CDC42BPB: variants seen among roughly 807,000 people sequenced by gnomAD.
CDC42BPB encodes serine/threonine-protein kinase MRCK beta.
A neutral mutation model predicts 214.9 loss-of-function variants in CDC42BPB; 37 were observed. The ratio of observed to expected loss-of-function variants is 0.17; its 90% CI spans 0.13 to 0.23. The LOEUF (loss-of-function observed/expected upper bound fraction) is 0.23. CDC42BPB is among the 10% of genes least tolerant of loss of function. CDC42BPB has a pLI of 1.00. For synonymous variants in CDC42BPB, 931 were observed against 884.0 expected (o/e 1.05, Z -0.94); for missense variants, 1,694 against 2,227.0 (o/e 0.76, Z 4.82).
chr14:103,017,266 G>C (rs1356870610), intron 1 of CDC42BPB, among the ~76,000 whole-genome samples: 1 of 152,160 alleles, frequency 6.6e-6, no homozygotes, highest in Non-Finnish European at 1.5e-5. Flanking sequence ...AGGCTGCAGT[G>C]AGCTGTGTTT....
intron 1 of CDC42BPB, among the ~76,000 whole-genome samples, chr14:103,032,188 G>A (rs1292481786): frequency 2.0e-5 from 3 of 151,964 alleles, no homozygotes; most frequent in South Asian, 2.1e-4. Flanking sequence ...CAGAGTGACA[G>A]ATCCAACCTC....
Position 102,950,502 on chromosome 14 carries a change from C to T in CDC42BPB, c.3273G>A (p.Gln1091=), listed in dbSNP as rs34898410. 2,204 of 1,613,312 alleles carry T rather than the reference C, an allele frequency of 1.4e-3. 26 individuals carry two copies. The African/African-American group carries it at 0.027, about 20-fold the overall frequency. Residue 1091 remains glutamine (Q), a synonymous_variant, in exon 25 of 37, where the codon CAG becomes CAA. Transcript: ENST00000361246. The stretch of plus-strand genomic sequence containing the variant: ...CTTTGTAGGCTGTTCCGATGCCTCG[C>T]TGCACGTCCACGCCCAGAGGCCTCT... The part of the protein sequence containing the change: ...QSKRPLGVDV[Q]RGIGTAYKGH...
Position 102,959,698 on chromosome 14 carries a change from G to A in CDC42BPB, c.2834C>T (p.Pro945Leu). The A allele has an allele frequency of 6.2e-7, 1 of 1,612,154 alleles. No homozygotes were observed. Among genetic ancestry groups the A allele is most frequent in the Non-Finnish European group, 8.5e-7 (1 of 1,179,310 alleles). ...KFRADTGLKL[P>L]DFQDSIFEYF... The stretch of plus-strand genomic sequence containing the variant: ...CTCAAAAATGGAATCCTGAAAATCT[G>A]GAAGTTTGAGCCCTGCAAAAAGAAA... The change falls in exon 21 of 37, where the codon CCA (proline) becomes CTA (leucine). Residue 945 changes from proline to leucine, a missense_variant. Physicochemically the swap from Pro to Leu is moderately conservative, Grantham distance 98 (BLOSUM62 -3). Transcript: ENST00000361246.
intron 7 of CDC42BPB, among the ~76,000 whole-genome samples, chr14:102,981,354 G>A (rs766717401): frequency 5.9e-5 from 9 of 152,194 alleles, no homozygotes; most frequent in Non-Finnish European, 8.8e-5. Context: ...CACGCGTCAC[G>A]GCAGCTCCGC....
chr14:103,051,345 C>T (rs1278469563), intron 1 of CDC42BPB, among the ~76,000 whole-genome samples: 6 of 148,978 alleles, frequency 4.0e-5, no homozygotes, highest in East Asian at 2.0e-4. Context: ...AAAAAACAAA[C>T]GTGGTCAAGG....
chr14:102,957,573 T>C (rs1175374684), intron 21 of CDC42BPB, among the ~76,000 whole-genome samples: 3 of 152,230 alleles, frequency 2.0e-5, no homozygotes, highest in African/African-American at 7.2e-5. Flanking sequence ...ACCGGTTAAA[T>C]AGATTTGCTT....
At chr14:102,977,298 C>T (rs1375379782) in intron 9 of CDC42BPB, among the ~76,000 whole-genome samples, 3 of 144,984 alleles carry the variant, frequency 2.1e-5, no homozygotes, top group African/African-American at 5.0e-5. Context: ...GAGATCGTGC[C>T]TCTGCACTCC....
chr14:102,987,910 G>C (rs922535109), intron 5 of CDC42BPB, among the ~76,000 whole-genome samples: 5 of 151,240 alleles, frequency 3.3e-5, no homozygotes, highest in Non-Finnish European at 5.9e-5. Context: ...GGAGGCAGAG[G>C]CTGTAGTGAG....
At chr14:103,054,434 A>G (rs900865877) in intron 1 of CDC42BPB, among the ~76,000 whole-genome samples, 4 of 152,232 alleles carry the variant, frequency 2.6e-5, no homozygotes, top group East Asian at 1.9e-4. Context: ...TGGACAGCCT[A>G]TATGTGTTTC....
At chr14:102,937,420 G>T (rs1014047454) in intron 36 of CDC42BPB, among the ~76,000 whole-genome samples, 4 of 152,250 alleles carry the variant, frequency 2.6e-5, no homozygotes, top group Non-Finnish European at 5.9e-5. Context: ...CTGCCCGTCC[G>T]TTCGGCAGCT....
intron 1 of CDC42BPB, among the ~76,000 whole-genome samples, chr14:103,053,001 T>C (rs917493703): frequency 6.6e-6 from 1 of 152,238 alleles, no homozygotes; most frequent in African/African-American, 2.4e-5. Context: ...CTGTAAAGTG[T>C]TTCATATGTT....
At chr14:102,934,399 C>T (rs940200070) in intron 36 of CDC42BPB, among the ~76,000 whole-genome samples, 24 of 152,136 alleles carry the variant, frequency 1.6e-4, no homozygotes, top group African/African-American at 5.6e-4. Context: ...CCGGGCGTGG[C>T]AGCATGCACC....
rs971404014 is a variant in CDC42BPB, at chr14:102,976,251, C to T, written c.1221-202G>A. ...ACACTGACAAGGGCCCTCCCCATCG[C>T]TGGTCAAAGAAAGCGCCTCTGCAAA... On this transcript the variant is annotated intron_variant, in intron 9 of 36. Transcript: ENST00000361246. 4.1e-6 allele frequency: 4 copies of T among 980,824 alleles called. No individual in the cohort carries two copies. The East Asian group carries it at 4.5e-4, about 111-fold the overall frequency. The allele number at this position is 980,824 out of a possible 1,614,324, so 60.8% of individuals were successfully genotyped here.
At chr14:102,975,658 A>T in intron 11 of CDC42BPB, 26 bp downstream of exon 11, 2 of 1,610,210 alleles carry the variant, frequency 1.2e-6, no homozygotes, top group Non-Finnish European at 1.7e-6. Flanking sequence ...AATAGAGACT[A>T]AGAAGTCACA....
At position 102,966,308 on chromosome 14, in the gene CDC42BPB, T is replaced by A. The variant is rs1893198335; in HGVS notation, c.2551A>T (p.Ser851Cys). The A allele has an allele frequency of 4.3e-6, 7 of 1,614,012 alleles. No individual in the cohort carries two copies. Among genetic ancestry groups the A allele is most frequent in the Non-Finnish European group, 5.9e-6 (7 of 1,179,882 alleles). ...AGTGTTCTTGACCCCAGACTAGAAC[T>A]CCTCAAAGCCTCGAGCTCTTCGGTC... ...KMTEELEALR[S>C]SSLGSRTLDP... Residue 851 changes from serine (S) to cysteine (C), a missense_variant, in exon 18 of 37, where the codon AGT becomes TGT. Coordinates refer to ENST00000361246, the MANE Select transcript of CDC42BPB (RefSeq NM_006035.4).
At chr14:103,018,500 T>C (rs1886590742) in intron 1 of CDC42BPB, among the ~76,000 whole-genome samples, 1 of 152,166 alleles carries the variant, frequency 6.6e-6, no homozygotes, top group Non-Finnish European at 1.5e-5. Context: ...AATGGGACAG[T>C]GGTCCTGGAA....
chr14:102,999,812 A>T, intron 4 of CDC42BPB, 99 bp from the exon 5 acceptor site: 4 of 1,529,612 alleles, frequency 2.6e-6, no homozygotes, highest in Admixed American at 2.0e-5. Context: ...CTCAGGCTCC[A>T]GGTCTGGCTC....
In CDC42BPB at chr14:102,972,238, T is replaced by C. The variant is rs544271495; in HGVS notation, c.1642-77A>G. 55 of 1,567,946 alleles carry C rather than the reference T, an allele frequency of 3.5e-5. No homozygotes were observed. In the African/African-American group the frequency reaches 5.2e-4, roughly 15 times the overall value. On this transcript the variant is annotated intron_variant, in intron 12 of 36. Coordinates refer to ENST00000361246, the MANE Select transcript of CDC42BPB (RefSeq NM_006035.4). ...AGGCTGGAGGTTCGGTCTTCCATGA[T>C]ATTGAGGAGTTAAAAGCGACAGCCA... is the stretch of plus-strand genomic sequence containing the variant.
chr14:103,031,458 C>T (rs1038358480), intron 1 of CDC42BPB, among the ~76,000 whole-genome samples: 12 of 152,220 alleles, frequency 7.9e-5, no homozygotes, highest in African/African-American at 2.9e-4. Context: ...AAAAGGACAT[C>T]TAGCTTTGTG....
Sources: gnomAD v4.1 joint callset for allele counts (sites outside exome capture counted in the v4.1 genomes callset) on GRCh38, gnomAD v4.1.1 for gene constraint, MANE v1.5 for transcripts, NCBI Gene and HGNC (gene_info 2026-07-23, HGNC 2026-07-21) for gene names.